The following IL36G variants were observed in gnomAD, a reference collection of about 807,000 sequenced individuals.
IL36G encodes the protein interleukin-36 gamma.
A neutral mutation model predicts 13.5 loss-of-function variants in IL36G; 10 were observed. That is an observed-to-expected ratio of 0.74 (90% confidence interval 0.46 to 1.26). The LOEUF is 1.26. Among genes scored for constraint, IL36G ranks in the 50% most tolerant of loss-of-function variants. The pLI is 0.00. For synonymous variants in IL36G, 84 were observed against 74.0 expected (o/e 1.13, Z -0.69); for missense variants, 199 against 203.0 (o/e 0.98, Z 0.12).
In IL36G at chr2:112,984,970, A is replaced by T; in HGVS notation, c.431A>T (p.Lys144Met). ...AFPDWFIASS[K>M]RDQPIILTSE... Reference sequence around the variant, plus strand: ...CCGGACTGGTTCATTGCCTCCTCCAAGAGAGACCAGCCCATCATTCTGACT... The same window carrying T: ...CCGGACTGGTTCATTGCCTCCTCCATGAGAGACCAGCCCATCATTCTGACT... The change falls in exon 5 of 5, where the codon AAG (lysine) becomes ATG (methionine). Residue 144 changes from lysine (K) to methionine (M), a missense_variant. Physicochemically the swap from Lys to Met is moderately conservative, Grantham distance 95. Transcript: ENST00000259205. 6.2e-7 allele frequency: 1 copy of T among 1,614,092 alleles called. No individual in the cohort carries two copies. Among genetic ancestry groups the T allele is most frequent in the Non-Finnish European group, 8.5e-7 (1 of 1,180,012 alleles).
At position 112,978,090 on chromosome 2, in the gene IL36G, A is replaced by T. The variant is rs182168986; in HGVS notation, c.-20+12A>T. The T allele has an allele frequency of 6.3e-6, 1 of 158,660 alleles. No individual in the cohort carries two copies. The highest frequency in any genetic ancestry group is 2.4e-5 in the African/African-American group (1 of 41,610). The allele number at this position is 158,660 out of a possible 1,614,324, so 9.8% of individuals were successfully genotyped here. A position where few individuals can be genotyped will look rare whatever the true frequency, so the allele number is the denominator to read the frequency against. On this transcript the variant is annotated intron_variant, in intron 1 of 4. Transcript: ENST00000259205. Reference sequence around the variant, plus strand: ...CCCTTTCTTGCCAGGTATAGTCAATAGCTGGAAAACCTCTTCTCCCTCCCT... The same window carrying T: ...CCCTTTCTTGCCAGGTATAGTCAATTGCTGGAAAACCTCTTCTCCCTCCCT...
chr2:112,985,069 G>T lies in IL36G; in HGVS notation c.*20G>T, dbSNP rs745751702. 1.9e-6 allele frequency: 3 copies of T among 1,574,728 alleles called. No homozygotes were observed. Among genetic ancestry groups the T allele is most frequent in the Non-Finnish European group, 2.6e-6 (3 of 1,147,724 alleles). ...GACTGAACTCAGCCTAGAGGTGGCA[G>T]CTTGGTCTTTGTCTTAAAGTTTCTG... is the stretch of plus-strand genomic sequence containing the variant. On this transcript the variant is annotated 3_prime_UTR_variant, in exon 5 of 5. Transcript: ENST00000259205.
In IL36G at chr2:112,980,010, C is replaced by A. The variant is rs1684234986; in HGVS notation, c.162C>A (p.Val54=). The part of the protein sequence containing the change: ...AVPRSDSVTP[V]TVAVITCKYP... ...CCATCTCTCCTCTTATCTTTACAGTCACTGTTGCTGTTATCACATGCAAGT... is the reference window on the plus strand; with the variant it reads ...CCATCTCTCCTCTTATCTTTACAGTAACTGTTGCTGTTATCACATGCAAGT... Residue 54 remains valine (V), a splice_region_variant and synonymous_variant, in exon 4 of 5, where the codon GTC becomes GTA. Transcript: ENST00000259205. 2.5e-6 allele frequency: 4 copies of A among 1,611,512 alleles called. No homozygotes were observed. Among genetic ancestry groups the A allele is most frequent in the Middle Eastern group, 3.3e-4 (2 of 6,052 alleles).
chr2:112,979,412 C>A, intron 3 of IL36G, 87 bp downstream of exon 3: 2 of 750,416 alleles, frequency 2.7e-6, no homozygotes, highest in Non-Finnish European at 4.6e-6. Flanking sequence ...TGTGACTTTA[C>A]AATGGGGCCC....
chr2:112,983,095 C>T (rs1269841050), intron 4 of IL36G, among the ~76,000 whole-genome samples: 1 of 152,136 alleles, frequency 6.6e-6, no homozygotes, highest in Admixed American at 6.5e-5. Context: ...TAGGACCTTT[C>T]ACCCAGTCCT....
In IL36G at chr2:112,985,139, C is replaced by A; in HGVS notation, c.*90C>A. On this transcript the variant is annotated 3_prime_UTR_variant, in exon 5 of 5. Coordinates refer to ENST00000259205, the MANE Select transcript of IL36G (RefSeq NM_019618.4). ...CTACATTTTCTTAGTGTCATTTTCACGCTGGTGCTGAGACAGGGGCAAGGC... is the reference window on the plus strand; with the variant it reads ...CTACATTTTCTTAGTGTCATTTTCAAGCTGGTGCTGAGACAGGGGCAAGGC... 1.1e-6 allele frequency: 1 copy of A among 886,450 alleles called. No individual in the cohort carries two copies. Among genetic ancestry groups the A allele is most frequent in the South Asian group, 1.6e-5 (1 of 61,494 alleles). 54.9% of individuals were successfully genotyped at this position (886,450 alleles called of 1,614,324 possible).
intron 4 of IL36G, chr2:112,981,205 T>G: frequency 7.9e-7 from 1 of 1,269,450 alleles, no homozygotes; most frequent in Non-Finnish European, 1.1e-6. Flanking sequence ...GTGCCTTCCC[T>G]GTTTTGGCAT....
At chr2:112,979,346 T>C (rs778924494) in intron 3 of IL36G, 21 bp downstream of exon 3, 44 of 1,401,748 alleles carry the variant, frequency 3.1e-5, no homozygotes, top group Non-Finnish European at 4.5e-5. Context: ...ACCCTGTGCC[T>C]TCCCCACTGT....
intron 4 of IL36G, 31 bp from the exon 5 acceptor site, chr2:112,984,809 C>T: frequency 6.4e-7 from 1 of 1,551,656 alleles, no homozygotes; most frequent in East Asian, 2.2e-5. Context: ...GCTTCTGTTT[C>T]TCCTAATGGG....
intron 4 of IL36G, among the ~76,000 whole-genome samples, chr2:112,981,776 CA>C (rs1463754307): frequency 6.6e-6 from 1 of 152,196 alleles, no homozygotes; most frequent in African/African-American, 2.4e-5. Flanking sequence ...GTTACATTTT[CA>C]GTGTTGTCCC....
chr2:112,978,531 TG>T lies in IL36G; in HGVS notation c.-19-88del, dbSNP rs1172521239. The T allele has an allele frequency of 4.8e-6, 5 of 1,039,468 alleles. No individual in the cohort carries two copies. The East Asian group carries it at 1.2e-4, about 25-fold the overall frequency. The allele number at this position is 1,039,468 out of a possible 1,614,324, so 64.4% of individuals were successfully genotyped here. A position where few individuals can be genotyped will look rare whatever the true frequency, so the allele number is the denominator to read the frequency against. ...TGTCAGGCCAGGTTTCCCAGCTCCC[TG>T]TCTAGAATGAGGGCCTGTGGAGCTA... On this transcript the variant is annotated intron_variant, in intron 1 of 4. Coordinates refer to ENST00000259205, the MANE Select transcript of IL36G (RefSeq NM_019618.4).
intron 4 of IL36G, among the ~76,000 whole-genome samples, chr2:112,982,577 T>C (rs1022220706): frequency 6.6e-6 from 1 of 152,000 alleles, no homozygotes; most frequent in Admixed American, 6.6e-5. Flanking sequence ...GGCCAGGAGA[T>C]AGCAGCAGAG....
chr2:112,978,536 A>G (rs1015914537), intron 1 of IL36G, 84 bp from the exon 2 acceptor site: 28 of 1,089,274 alleles, frequency 2.6e-5, no homozygotes, highest in Admixed American at 5.2e-5. Context: ...CTCCCTGTCT[A>G]GAATGAGGGC....
intron 3 of IL36G, among the ~76,000 whole-genome samples, chr2:112,979,798 G>A (rs1684231475): frequency 6.6e-6 from 1 of 152,086 alleles, no homozygotes; most frequent in African/African-American, 2.4e-5. Context: ...TTAGCTCTCT[G>A]TGTTTGCTCA....
chr2:112,985,246 G>A lies in IL36G; in HGVS notation c.*197G>A, dbSNP rs1684331176. 1 of 567,944 alleles carries A rather than the reference G, an allele frequency of 1.8e-6. No individual in the cohort carries two copies. The highest frequency in any genetic ancestry group is 3.1e-6 in the Non-Finnish European group (1 of 318,470). 35.2% of individuals were successfully genotyped at this position (567,944 alleles called of 1,614,324 possible). Reference sequence around the variant, plus strand: ...AGAACAGGATGTGGCCTCAGAAGCAGGAGAGCTGGGTGGTATAAGGCTGTC... The same window carrying A: ...AGAACAGGATGTGGCCTCAGAAGCAAGAGAGCTGGGTGGTATAAGGCTGTC... On this transcript the variant is annotated 3_prime_UTR_variant, in exon 5 of 5. Transcript: ENST00000259205.
In IL36G at chr2:112,979,223, T is replaced by A; in HGVS notation, c.58T>A (p.Cys20Ser). The A allele has an allele frequency of 1.3e-6, 2 of 1,589,452 alleles. No homozygotes were observed. Among genetic ancestry groups the A allele is most frequent in the East Asian group, 2.2e-5 (1 of 44,772 alleles). The change falls in exon 3 of 5, where the codon TGT (cysteine) becomes AGT (serine). Residue 20 changes from cysteine (C) to serine (S), a missense_variant and splice_region_variant. By Grantham distance (112) the Cys-to-Ser change is moderately radical. Coordinates refer to ENST00000259205, the MANE Select transcript of IL36G (RefSeq NM_019618.4). ...GGGRAVYQSM[C>S]KPITGTINDL... ...TTTTTTCTCTATCCCAAAATCAGTG[T>A]GTAAACCTATTACTGGGACTATTAA...
chr2:112,985,131 C>A lies in IL36G; in HGVS notation c.*82C>A. On this transcript the variant is annotated 3_prime_UTR_variant, in exon 5 of 5. Transcript: ENST00000259205. Reference sequence around the variant, plus strand: ...GTTTTCGTCTACATTTTCTTAGTGTCATTTTCACGCTGGTGCTGAGACAGG... The same window carrying A: ...GTTTTCGTCTACATTTTCTTAGTGTAATTTTCACGCTGGTGCTGAGACAGG... 5 of 935,154 alleles carry A rather than the reference C, an allele frequency of 5.3e-6. No homozygotes were observed. The highest frequency in any genetic ancestry group is 1.6e-5 in the South Asian group (1 of 63,766). 57.9% of individuals were successfully genotyped at this position (935,154 alleles called of 1,614,324 possible).
At chr2:112,983,271 T>C (rs1253641791) in intron 4 of IL36G, among the ~76,000 whole-genome samples, 1 of 152,160 alleles carries the variant, frequency 6.6e-6, no homozygotes, top group Non-Finnish European at 1.5e-5. Context: ...CATTCTTCCA[T>C]TTATTAAACA....
intron 4 of IL36G, among the ~76,000 whole-genome samples, chr2:112,982,286 G>A (rs1684277822): frequency 6.6e-6 from 1 of 152,214 alleles, no homozygotes; most frequent in African/African-American, 2.4e-5. Flanking sequence ...TTAGTTAGCA[G>A]GTGTCTAGTG....
Sources: allele counts gnomAD v4.1 joint callset (sites outside exome capture counted in the v4.1 genomes callset), GRCh38; gene constraint gnomAD v4.1.1; transcripts MANE v1.5; gene names NCBI Gene and HGNC (gene_info 2026-07-23, HGNC 2026-07-21).